The following GSE1 variants were observed in gnomAD, a reference collection of about 807,000 sequenced individuals.
GSE1 encodes the protein Gse1 coiled-coil protein, also known as genetic suppressor element 1.
In GSE1, 32 loss-of-function variants were observed where a neutral mutation model predicts 112.6. That is an observed-to-expected ratio of 0.28 (90% CI 0.21 to 0.38). The LOEUF is 0.38. Ranked by LOEUF, GSE1 falls within the 10% of genes least tolerant of loss-of-function variation. GSE1 has a pLI of 1.00. For synonymous variants in GSE1, 1,115 were observed against 735.6 expected (o/e 1.52, Z -8.35); for missense variants, 2,348 against 1,699.2 (o/e 1.38, Z -6.71).
At chr16:85,554,658 C>T (rs924717499), upstream of GSE1, among the ~76,000 whole-genome samples, 8 of 152,330 alleles carry the variant, frequency 5.3e-5, no homozygotes, top group East Asian at 1.4e-3. Flanking sequence ...GTGTGCGTTG[C>T]CGCAACCCCG....
chr16:85,480,398 G>T (rs890224010), intron 2 of GSE1, among the ~76,000 whole-genome samples: 1 of 152,164 alleles, frequency 6.6e-6, no homozygotes, highest in African/African-American at 2.4e-5. Flanking sequence ...TGGCACCAGT[G>T]TGAGCCTCCA....
At chr16:85,300,868 C>T (rs1002117489) in intron 1 of GSE1, among the ~76,000 whole-genome samples, 4 of 152,200 alleles carry the variant, frequency 2.6e-5, no homozygotes, top group African/African-American at 7.2e-5. Context: ...GTTGGACTCA[C>T]GCCCCATACC....
At chr16:85,231,995 G>A (rs916039700) in intron 1 of GSE1, among the ~76,000 whole-genome samples, 7 of 152,324 alleles carry the variant, frequency 4.6e-5, no homozygotes, top group South Asian at 2.1e-4. Flanking sequence ...CCCCCCTGCC[G>A]CTGTTTAGGG....
At chr16:85,170,260 G>A (rs779924779) in exon 1 of GSE1, 263 of 985,558 alleles carry the variant, frequency 2.7e-4, no homozygotes, top group Non-Finnish European at 3.1e-4. Context: ...CCACGCGGAT[G>A]GGGAGCCCAA....
exon 1 of GSE1, chr16:85,170,384 C>G: frequency 1.0e-6 from 1 of 985,326 alleles, no homozygotes; most frequent in Non-Finnish European, 1.2e-6. Context: ...GTCCAAGAGG[C>G]CCCTGCAGAC....
intron 1 of GSE1, among the ~76,000 whole-genome samples, chr16:85,302,965 C>T (rs1241146097): frequency 6.6e-6 from 1 of 152,230 alleles, no homozygotes; most frequent in Non-Finnish European, 1.5e-5. Context: ...GAGCCTCGGC[C>T]TCCCCACTGC....
chr16:85,410,921 C>T (rs2048512863), intron 2 of GSE1, among the ~76,000 whole-genome samples: 1 of 42,358 alleles, frequency 2.4e-5, no homozygotes, highest in Non-Finnish European at 4.6e-5. Flanking sequence ...CAGGGCCCCC[C>T]TGGATAATCC....
chr16:85,367,481 G>T (rs978679134), intron 2 of GSE1, among the ~76,000 whole-genome samples: 1 of 152,246 alleles, frequency 6.6e-6, no homozygotes, highest in Non-Finnish European at 1.5e-5. Flanking sequence ...TCCCGAATGA[G>T]CAGGTAAAGG....
chr16:85,604,592 C>A (rs1026650910), intron 1 of GSE1, among the ~76,000 whole-genome samples: 1 of 148,916 alleles, frequency 6.7e-6, no homozygotes, highest in Admixed American at 6.8e-5. Context: ...TTTATCTCTT[C>A]CCCCCGTTGA....
At chr16:85,514,405 G>A (rs1330750311) in intron 2 of GSE1, among the ~76,000 whole-genome samples, 1 of 137,616 alleles carries the variant, frequency 7.3e-6, no homozygotes, top group Non-Finnish European at 1.6e-5. Context: ...CCTGCCCCCA[G>A]GATGCCCGCA....
At chr16:85,343,689 G>A (rs1234949441) in intron 1 of GSE1, among the ~76,000 whole-genome samples, 1 of 152,194 alleles carries the variant, frequency 6.6e-6, no homozygotes, top group Non-Finnish European at 1.5e-5. Context: ...GGTTGGGGCT[G>A]CAGTGAGCTA....
chr16:85,335,461 C>T (rs8061671), intron 1 of GSE1, among the ~76,000 whole-genome samples: 10,732 of 150,880 alleles, frequency 0.071, 490 homozygotes, highest in East Asian at 0.14. Flanking sequence ...TTGCAGGAGG[C>T]GGAGGCCGTG....
chr16:85,303,874 C>T (rs962586954), intron 1 of GSE1, among the ~76,000 whole-genome samples: 81 of 152,360 alleles, frequency 5.3e-4, no homozygotes, highest in Middle Eastern at 3.4e-3. Context: ...CTGGCAGTGC[C>T]GCTGCCCCCA....
rs556220273 is a variant in GSE1 at position 85,376,821 on chromosome 16, A to G, written c.2464+19178A>G. On this transcript the variant is annotated intron_variant, in intron 2 of 2. Transcript: ENST00000637419. ...AGGTGGGGGCTGTGAAGGGGAGGAC[A>G]GGACAGCAAGGATTGCTGGGAAAAG... Among the ~76,000 whole-genome samples the G allele has an allele frequency of 3.5e-4, 54 of 152,306 alleles. 2 individuals are homozygous for G. In the South Asian group the frequency reaches 0.01, roughly 29 times the overall value.
At chr16:85,190,606 G>A (rs1391631554) in intron 1 of GSE1, among the ~76,000 whole-genome samples, 1 of 152,272 alleles carries the variant, frequency 6.6e-6, no homozygotes, top group Non-Finnish European at 1.5e-5. Context: ...CAAGGCCCAG[G>A]AAGGGAAAGG....
At chr16:85,360,607 G>A (rs1001581227) in intron 2 of GSE1, among the ~76,000 whole-genome samples, 6 of 152,164 alleles carry the variant, frequency 3.9e-5, no homozygotes, top group Non-Finnish European at 5.9e-5. Flanking sequence ...GGGCCCAGCT[G>A]TGCACTGCCA....
rs140452499 is a variant in GSE1 at position 85,602,046 on chromosome 16, A to C, written c.37+45683A>C. On this transcript the variant is annotated intron_variant, in intron 1 of 2. Coordinates refer to the GSE1 transcript ENST00000635906. ...CTGGAGGAAGAGAGAGTGCAGTTCT[A>C]GAAGAAGCTCCTCCGTGGTTCAGAT... is the stretch of plus-strand genomic sequence containing the variant. Among the ~76,000 whole-genome samples, 233 of 152,262 alleles carry C rather than the reference A, an allele frequency of 1.5e-3. 1 individual carries two copies. Among genetic ancestry groups the C allele is most frequent in the Admixed American group, 2.2e-3 (34 of 15,302 alleles).
intron 2 of GSE1, among the ~76,000 whole-genome samples, chr16:85,413,007 G>C (rs540921677): frequency 6.6e-6 from 1 of 152,146 alleles, no homozygotes. Flanking sequence ...AGCCTTTATC[G>C]CACACTTAGG....
intron 1 of GSE1, among the ~76,000 whole-genome samples, chr16:85,303,945 T>C (rs1235867758): frequency 6.6e-6 from 1 of 152,176 alleles, no homozygotes; most frequent in Non-Finnish European, 1.5e-5. Flanking sequence ...CTCCTGCCTC[T>C]GGGCTGCTTG....
Sources: allele counts gnomAD v4.1 joint callset (sites outside exome capture counted in the v4.1 genomes callset), GRCh38; gene constraint gnomAD v4.1.1; transcripts MANE v1.5; gene names NCBI Gene and HGNC (gene_info 2026-07-23, HGNC 2026-07-21).